Variants in ARHGAP24 observed in about 807,000 individuals in gnomAD.
The protein encoded by ARHGAP24 is rho GTPase-activating protein 24.
In ARHGAP24, 50 loss-of-function variants were observed where a neutral mutation model predicts 76.4. The ratio of observed to expected loss-of-function variants is 0.65; its 90% CI spans 0.52 to 0.83. ARHGAP24 has a LOEUF of 0.83. Among genes scored for constraint, ARHGAP24 ranks in the 40% least tolerant of loss-of-function variants. The pLI is 0.00. For synonymous variants in ARHGAP24, 345 were observed against 323.3 expected (o/e 1.07, Z -0.72); for missense variants, 930 against 914.2 (o/e 1.02, Z -0.22).
intron 4 of ARHGAP24, 76 bp from the exon 5 acceptor site, chr4:85,941,990 T>C (rs1307674014): frequency 6.9e-7 from 1 of 1,445,096 alleles, no homozygotes; most frequent in Non-Finnish European, 9.6e-7. Context: ...TTCTGTTATA[T>C]TGAATTAAAA....
intron 2 of ARHGAP24, among the ~76,000 whole-genome samples, chr4:85,666,427 C>T (rs1409194326): frequency 6.6e-6 from 1 of 151,986 alleles, no homozygotes; most frequent in Non-Finnish European, 1.5e-5. Flanking sequence ...AACTTCTTTG[C>T]CTTTGGTTTG....
chr4:85,569,220 C>T (rs1423894954), intron 1 of ARHGAP24, among the ~76,000 whole-genome samples: 1 of 152,124 alleles, frequency 6.6e-6, no homozygotes, highest in Non-Finnish European at 1.5e-5. Context: ...GTTTATATGC[C>T]TGGACAGGAA....
At chr4:85,563,303 C>T (rs992788384) in intron 1 of ARHGAP24, among the ~76,000 whole-genome samples, 4 of 152,128 alleles carry the variant, frequency 2.6e-5, no homozygotes, top group Admixed American at 2.6e-4. Flanking sequence ...GTGGCTTAAA[C>T]AACAGAAGTT....
intron 3 of ARHGAP24, among the ~76,000 whole-genome samples, chr4:85,836,681 C>T (rs1730309311): frequency 1.3e-5 from 2 of 152,156 alleles, no homozygotes; most frequent in African/African-American, 4.8e-5. Context: ...ATAATTCAAC[C>T]CCTAGCATTG....
At chr4:85,767,789 TC>T (rs1288369563) in intron 3 of ARHGAP24, among the ~76,000 whole-genome samples, 2 of 152,218 alleles carry the variant, frequency 1.3e-5, no homozygotes, top group African/African-American at 4.8e-5. Context: ...ACTATGACAT[TC>T]TTGGTGAGAG....
intron 3 of ARHGAP24, chr4:85,828,017 C>T: frequency 8.0e-7 from 1 of 1,249,004 alleles, no homozygotes; most frequent in Non-Finnish European, 1.1e-6. Context: ...AGACAAATTG[C>T]CAGGTATTGT....
intron 3 of ARHGAP24, among the ~76,000 whole-genome samples, chr4:85,755,650 T>TTTTTG (rs1726462712): frequency 6.9e-6 from 1 of 144,666 alleles, no homozygotes; most frequent in East Asian, 2.0e-4. Flanking sequence ...TGTTTTGTTT[T>TTTTTG]GAGACGGAGT....
chr4:85,589,124 C>G (rs1299010578), intron 2 of ARHGAP24, among the ~76,000 whole-genome samples: 1 of 152,158 alleles, frequency 6.6e-6, no homozygotes, highest in African/African-American at 2.4e-5. Flanking sequence ...CAGAGTGAAG[C>G]TTCTGTGGGT....
At chr4:85,838,974 G>T (rs182538105) in intron 3 of ARHGAP24, among the ~76,000 whole-genome samples, 2 of 152,118 alleles carry the variant, frequency 1.3e-5, no homozygotes, top group African/African-American at 2.4e-5. Context: ...ATCAAAAATC[G>T]TAGCTCAGTT....
chr4:85,728,370 T>A (rs1396825903), intron 3 of ARHGAP24, among the ~76,000 whole-genome samples: 2 of 151,346 alleles, frequency 1.3e-5, no homozygotes, highest in Non-Finnish European at 3.0e-5. Context: ...GACTTTATTA[T>A]CTCTCTCTCT....
At chr4:85,960,409 C>T (rs1738176360) in intron 5 of ARHGAP24, among the ~76,000 whole-genome samples, 1 of 152,084 alleles carries the variant, frequency 6.6e-6, no homozygotes, top group African/African-American at 2.4e-5. Flanking sequence ...CATTTACATA[C>T]CCAAGAGGAC....
At chr4:85,741,601 G>A (rs1288339000) in intron 3 of ARHGAP24, among the ~76,000 whole-genome samples, 2 of 152,204 alleles carry the variant, frequency 1.3e-5, no homozygotes, top group Non-Finnish European at 2.9e-5. Flanking sequence ...CAACTGTGAT[G>A]AGCAGAAGAA....
chr4:85,889,296 TAGAG>T (rs900629624), intron 3 of ARHGAP24, among the ~76,000 whole-genome samples: 20 of 152,246 alleles, frequency 1.3e-4, no homozygotes, highest in Middle Eastern at 3.4e-3. Flanking sequence ...TCCGGCAAGA[TAGAG>T]AGAGAGGCAG....
intron 3 of ARHGAP24, among the ~76,000 whole-genome samples, chr4:85,880,222 T>G (rs1655111924): frequency 6.6e-6 from 1 of 152,212 alleles, no homozygotes; most frequent in Admixed American, 6.5e-5. Flanking sequence ...TTTTAAAATA[T>G]CTTATTGTAC....
chr4:85,488,481 A>T (rs1263634812), intron 1 of ARHGAP24, among the ~76,000 whole-genome samples: 1 of 152,192 alleles, frequency 6.6e-6, no homozygotes, highest in Non-Finnish European at 1.5e-5. Context: ...TCTTAGAATA[A>T]ATTCATAGGA....
At position 85,998,538 on chromosome 4, in the gene ARHGAP24, C is replaced by G. The variant is rs937526473; in HGVS notation, c.2004-1941C>G. ...CATCTTTTTGTCTATTTCATCTTCC[C>G]ACCTTCTCAATTTTCTCTTTCCAGA... On this transcript the variant is annotated intron_variant, in intron 9 of 9. Coordinates refer to ENST00000395184, the MANE Select transcript of ARHGAP24 (RefSeq NM_001025616.3). 4.3e-4 allele frequency among the ~76,000 whole-genome samples: 65 copies of G among 152,024 alleles called. 1 individual carries two copies. Among genetic ancestry groups the G allele is most frequent in the African/African-American group, 1.6e-3 (65 of 41,476 alleles).
At chr4:85,905,768 A>C in intron 3 of ARHGAP24, among the ~76,000 whole-genome samples, 1 of 152,268 alleles carries the variant, frequency 6.6e-6, no homozygotes, top group East Asian at 1.9e-4. Flanking sequence ...TGTCAGAAGC[A>C]GTCGGTTTCT....
chr4:85,804,994 T>G (rs1293679333), intron 3 of ARHGAP24, among the ~76,000 whole-genome samples: 1 of 152,160 alleles, frequency 6.6e-6, no homozygotes, highest in African/African-American at 2.4e-5. Flanking sequence ...CTAGTTATAT[T>G]AGGTACCATC....
At chr4:85,725,181 G>A (rs567591261) in intron 3 of ARHGAP24, among the ~76,000 whole-genome samples, 3 of 152,190 alleles carry the variant, frequency 2.0e-5, no homozygotes, top group South Asian at 2.1e-4. Context: ...CAAGAAATAG[G>A]CAAAACAAGA....
Sources: allele counts gnomAD v4.1 joint callset (sites outside exome capture counted in the v4.1 genomes callset), GRCh38; gene constraint gnomAD v4.1.1; transcripts MANE v1.5; gene names NCBI Gene and HGNC (gene_info 2026-07-23, HGNC 2026-07-21).